PCSK5: variants seen among roughly 807,000 people sequenced by gnomAD.
PCSK5 encodes prohormone convertase 5.
Under a neutral mutation model 233.2 loss-of-function variants are expected in PCSK5, and 129 were observed. The observed-to-expected ratio is 0.55, with a 90% CI of 0.48 to 0.64. PCSK5 has a LOEUF of 0.64. Among genes scored for constraint, PCSK5 ranks in the 30% least tolerant of loss-of-function variants. The probability of loss-of-function intolerance (pLI) is 0.00; values close to 1 mark genes in which losing one functional copy is unlikely to be tolerated. For synonymous variants in PCSK5, 825 were observed against 879.2 expected (o/e 0.94, Z 1.09); for missense variants, 2,076 against 2,430.1 (o/e 0.85, Z 3.06).
intron 20 of PCSK5, among the ~76,000 whole-genome samples, chr9:76,215,118 C>G (rs536493712): frequency 6.6e-6 from 1 of 152,226 alleles, no homozygotes; most frequent in African/African-American, 2.4e-5. Flanking sequence ...CCCAAGCCCA[C>G]AGGCAGCTTT....
chr9:75,911,424 C>T (rs2131231222), intron 1 of PCSK5, among the ~76,000 whole-genome samples: 1 of 152,114 alleles, frequency 6.6e-6, no homozygotes, highest in Non-Finnish European at 1.5e-5. Flanking sequence ...TGTCCTTCAA[C>T]ATTCATTGCA....
chr9:76,047,709 C>T (rs548537982), intron 5 of PCSK5, among the ~76,000 whole-genome samples: 12 of 151,948 alleles, frequency 7.9e-5, no homozygotes, highest in African/African-American at 2.7e-4. Flanking sequence ...GATAAATGGG[C>T]GTTGTGAGGA....
chr9:75,945,829 G>A (rs1162056348), intron 2 of PCSK5, among the ~76,000 whole-genome samples: 2 of 152,056 alleles, frequency 1.3e-5, no homozygotes, highest in Admixed American at 6.5e-5. Context: ...TTGTATGATG[G>A]ATGCCTTCTC....
chr9:76,136,435 T>G (rs1358799302), intron 10 of PCSK5, among the ~76,000 whole-genome samples: 1 of 151,908 alleles, frequency 6.6e-6, no homozygotes, highest in East Asian at 1.9e-4. Context: ...TTAGAAAAGG[T>G]TCCTACAACA....
chr9:76,320,471 T>C (rs866006028), intron 30 of PCSK5, among the ~76,000 whole-genome samples: 4,113 of 132,646 alleles, frequency 0.031, 183 homozygotes, highest in Non-Finnish European at 0.04. Flanking sequence ...GTAGCTTTTT[T>C]TTTTTTTTTT....
chr9:75,908,335 C>T (rs1260415781), intron 1 of PCSK5, among the ~76,000 whole-genome samples: 6 of 152,222 alleles, frequency 3.9e-5, no homozygotes, highest in East Asian at 3.9e-4. Context: ...GATGAAGGAG[C>T]GATGGAAAAG....
chr9:76,188,982 A>G, intron 18 of PCSK5, 112 bp from the exon 19 acceptor site: 1 of 929,686 alleles, frequency 1.1e-6, no homozygotes, highest in Non-Finnish European at 1.6e-6. Context: ...AAGCATGAAT[A>G]TTAAATTATT....
intron 14 of PCSK5, among the ~76,000 whole-genome samples, chr9:76,178,425 G>A (rs1823711689): frequency 6.6e-6 from 1 of 152,098 alleles, no homozygotes; most frequent in African/African-American, 2.4e-5. Context: ...GGCCTATGTT[G>A]ATCCCCTCTC....
In PCSK5 at chr9:76,064,363, A is replaced by AC. The variant is rs1161111793; in HGVS notation, c.633-3585dup. 2.5e-3 allele frequency among the ~76,000 whole-genome samples: 193 copies of AC among 77,448 alleles called. 2 individuals are homozygous for AC. The highest frequency in any genetic ancestry group is 7.8e-3 in the South Asian group (13 of 1,660). 50.8% of individuals were successfully genotyped at this position (77,448 alleles called of 152,430 possible). A position where few individuals can be genotyped will look rare whatever the true frequency, so the allele number is the denominator to read the frequency against. ...GGGCGGCTGGCCGGGCGGGGGGCTGACCCCCCCACCTCCCTCCCGGACGGC... is the reference window on the plus strand; with the variant it reads ...GGGCGGCTGGCCGGGCGGGGGGCTGACCCCCCCCACCTCCCTCCCGGACGGC... On this transcript the variant is annotated intron_variant, in intron 5 of 37. Coordinates refer to ENST00000674117, the MANE Select transcript of PCSK5 (RefSeq NM_001372043.1).
chr9:76,171,971 T>C (rs1219907068), intron 13 of PCSK5, among the ~76,000 whole-genome samples: 1 of 152,084 alleles, frequency 6.6e-6, no homozygotes, highest in Non-Finnish European at 1.5e-5. Flanking sequence ...GTCTATATCA[T>C]TGTTTCTGTG....
At chr9:76,177,907 C>T (rs2131207007) in intron 14 of PCSK5, among the ~76,000 whole-genome samples, 1 of 151,786 alleles carries the variant, frequency 6.6e-6, no homozygotes, top group Admixed American at 6.6e-5. Flanking sequence ...ATTTGCCATA[C>T]AGTGAGAGCC....
intron 3 of PCSK5, among the ~76,000 whole-genome samples, chr9:76,012,268 C>T (rs1388392086): frequency 6.6e-6 from 1 of 152,192 alleles, no homozygotes; most frequent in East Asian, 1.9e-4. Context: ...TTTCAGATAA[C>T]TCAACTATGA....
chr9:76,210,642 G>A (rs916934909), intron 20 of PCSK5, among the ~76,000 whole-genome samples: 1 of 152,202 alleles, frequency 6.6e-6, no homozygotes, highest in African/African-American at 2.4e-5. Context: ...TATTGAGGGA[G>A]CAGCGTTGCA....
chr9:76,302,568 T>C (rs1161699574), intron 28 of PCSK5, among the ~76,000 whole-genome samples: 2 of 152,170 alleles, frequency 1.3e-5, no homozygotes, highest in Non-Finnish European at 2.9e-5. Context: ...ACCGCAGCAT[T>C]GTTTGAAATC....
chr9:76,267,961 ACAC>A (rs1564145583), intron 24 of PCSK5, among the ~76,000 whole-genome samples: 8 of 142,350 alleles, frequency 5.6e-5, no homozygotes, highest in East Asian at 3.9e-4. Flanking sequence ...ACACACACAC[ACAC>A]ACACACACAC....
At chr9:76,324,799 C>T (rs983987354) in intron 32 of PCSK5, among the ~76,000 whole-genome samples, 6 of 152,044 alleles carry the variant, frequency 3.9e-5, no homozygotes, top group Admixed American at 1.3e-4. Flanking sequence ...TTCTAGAGCC[C>T]AGGATTCACT....
rs1830398242 is a variant in PCSK5 at position 76,359,859 on chromosome 9, A to G, written c.*937A>G. 6.6e-6 allele frequency: 1 copy of G among 152,154 alleles called. No homozygotes were observed. Among genetic ancestry groups the G allele is most frequent in the East Asian group, 1.9e-4 (1 of 5,198 alleles). 9.4% of individuals were successfully genotyped at this position (152,154 alleles called of 1,614,324 possible). A position where few individuals can be genotyped will look rare whatever the true frequency, so the allele number is the denominator to read the frequency against. Reference sequence around the variant, plus strand: ...CATCACAAAACCGTGGACTCTCAATAGAAAGAGTTGGAATAGAGTCTAACA... The same window carrying G: ...CATCACAAAACCGTGGACTCTCAATGGAAAGAGTTGGAATAGAGTCTAACA... On this transcript the variant is annotated 3_prime_UTR_variant, in exon 38 of 38. Coordinates refer to ENST00000674117, the MANE Select transcript of PCSK5 (RefSeq NM_001372043.1).
At chr9:75,986,324 G>A (rs1826513815) in intron 3 of PCSK5, 79 bp downstream of exon 3, 1 of 834,184 alleles carries the variant, frequency 1.2e-6, no homozygotes, top group Admixed American at 1.8e-5. Context: ...TTGGTCTTGG[G>A]AGGACACAGA....
intron 13 of PCSK5, among the ~76,000 whole-genome samples, chr9:76,174,300 C>CA (rs869147538): frequency 2.0e-5 from 3 of 149,754 alleles, no homozygotes; most frequent in South Asian, 2.1e-4. Context: ...CAGATAATGC[C>CA]AAAAAAAAAT....
Sources: allele counts gnomAD v4.1 joint callset (sites outside exome capture counted in the v4.1 genomes callset), GRCh38; gene constraint gnomAD v4.1.1; transcripts MANE v1.5; gene names NCBI Gene and HGNC (gene_info 2026-07-23, HGNC 2026-07-21).